IMMP2L: variants seen among roughly 807,000 people sequenced by gnomAD.
The protein encoded by IMMP2L is inner mitochondrial membrane peptidase subunit 2, also known as mitochondrial inner membrane protease subunit 2.
A neutral mutation model predicts 19.3 loss-of-function variants in IMMP2L; 18 were observed. The ratio of observed to expected loss-of-function variants is 0.93; its 90% confidence interval spans 0.64 to 1.38. The LOEUF is 1.38. Among genes scored for constraint, IMMP2L ranks in the 40% most tolerant of loss-of-function variants. The pLI, the probability that IMMP2L is intolerant of heterozygous loss-of-function variation, is 0.00. For synonymous variants in IMMP2L, 76 were observed against 73.0 expected, an observed-to-expected ratio of 1.04 and a Z score of -0.21; for missense variants, 233 against 218.2, an observed-to-expected ratio of 1.07 and a Z score of -0.43.
chr7:110,750,857 T>C (rs900457622), intron 5 of IMMP2L, among the ~76,000 whole-genome samples: 3 of 151,554 alleles, frequency 2.0e-5, no homozygotes, highest in African/African-American at 4.8e-5. Context: ...CCCTTAGTAA[T>C]CCAAACAAAC....
intron 3 of IMMP2L, among the ~76,000 whole-genome samples, chr7:111,256,646 G>A (rs2129633489): frequency 6.6e-6 from 1 of 151,994 alleles, no homozygotes; most frequent in East Asian, 1.9e-4. Flanking sequence ...GCTGCCTAGA[G>A]AGAAAAGTTC....
At chr7:111,264,048 A>C (rs73201098) in intron 3 of IMMP2L, among the ~76,000 whole-genome samples, 18 of 152,246 alleles carry the variant, frequency 1.2e-4, no homozygotes, top group Non-Finnish European at 2.2e-4. Context: ...CTGCAGATGG[A>C]CTTAGTGAGT....
At chr7:110,740,125 T>C (rs1185286066) in intron 5 of IMMP2L, among the ~76,000 whole-genome samples, 5 of 151,862 alleles carry the variant, frequency 3.3e-5, no homozygotes, top group Non-Finnish European at 5.9e-5. Flanking sequence ...AGAGCACAAA[T>C]AGACAATCTA....
intron 3 of IMMP2L, among the ~76,000 whole-genome samples, chr7:111,182,021 A>G (rs1419393550): frequency 2.0e-5 from 3 of 152,086 alleles, no homozygotes; most frequent in Admixed American, 6.6e-5. Context: ...AAAAGAATTA[A>G]GCATAAAAAG....
chr7:111,228,431 A>T (rs1259944877), intron 3 of IMMP2L, among the ~76,000 whole-genome samples: 1 of 151,372 alleles, frequency 6.6e-6, no homozygotes, highest in African/African-American at 2.4e-5. Context: ...AAAAAATCAA[A>T]GGTGTCAAAT....
chr7:111,316,361 G>A (rs749018181), intron 3 of IMMP2L, among the ~76,000 whole-genome samples: 34 of 151,784 alleles, frequency 2.2e-4, no homozygotes, highest in African/African-American at 4.1e-4. Flanking sequence ...AACAAAAGTC[G>A]AAAAAAGGGC....
intron 3 of IMMP2L, among the ~76,000 whole-genome samples, chr7:111,290,745 C>G (rs903658811): frequency 6.6e-6 from 1 of 151,110 alleles, no homozygotes; most frequent in African/African-American, 2.4e-5. Context: ...CCTTTTTGTG[C>G]TTCATGTTTT....
At chr7:110,785,897 A>C (rs1439504010) in intron 5 of IMMP2L, among the ~76,000 whole-genome samples, 1 of 151,866 alleles carries the variant, frequency 6.6e-6, no homozygotes, top group Non-Finnish European at 1.5e-5. Context: ...TCTCTCTTTC[A>C]TATTTCTATA....
intron 4 of IMMP2L, among the ~76,000 whole-genome samples, chr7:110,912,939 T>A (rs775153772): frequency 6.6e-6 from 1 of 151,832 alleles, no homozygotes; most frequent in Non-Finnish European, 1.5e-5. Context: ...AGGACACACA[T>A]GGCTAGAGAG....
chr7:110,961,244 A>C (rs140211472), intron 4 of IMMP2L, among the ~76,000 whole-genome samples: 4,100 of 151,858 alleles, frequency 0.027, 73 homozygotes, highest in Middle Eastern at 0.055. Context: ...AAATCCCCCC[A>C]CAGATACCAA....
intron 5 of IMMP2L, among the ~76,000 whole-genome samples, chr7:110,677,412 CCAA>C (rs1375308088): frequency 6.6e-6 from 1 of 152,058 alleles, no homozygotes; most frequent in Non-Finnish European, 1.5e-5. Context: ...AATTTTTTCA[CCAA>C]CATTTTTGGA....
At chr7:111,064,405 C>A (rs913030834) in intron 3 of IMMP2L, among the ~76,000 whole-genome samples, 3 of 152,154 alleles carry the variant, frequency 2.0e-5, no homozygotes, top group African/African-American at 7.2e-5. Context: ...GTCACAATTA[C>A]AATGCCAACT....
chr7:111,350,884 A>T (rs1288056960), intron 3 of IMMP2L, among the ~76,000 whole-genome samples: 1 of 152,200 alleles, frequency 6.6e-6, no homozygotes, highest in African/African-American at 2.4e-5. Flanking sequence ...TGAATACTGT[A>T]ATTGTTGGGG....
At chr7:110,816,138 T>C (rs1170832004) in intron 5 of IMMP2L, among the ~76,000 whole-genome samples, 1 of 152,168 alleles carries the variant, frequency 6.6e-6, no homozygotes, top group East Asian at 1.9e-4. Context: ...TTGCTTTGAA[T>C]GTGTCCCAGA....
intron 5 of IMMP2L, among the ~76,000 whole-genome samples, chr7:110,706,991 A>AATTT (rs540093587): frequency 7.4e-6 from 1 of 134,456 alleles, no homozygotes; most frequent in African/African-American, 2.8e-5. Flanking sequence ...TTACACTTAA[A>AATTT]TTTTTTTTTT....
intron 2 of IMMP2L, among the ~76,000 whole-genome samples, chr7:111,518,533 C>G (rs1051625722): frequency 6.6e-6 from 1 of 152,106 alleles, no homozygotes; most frequent in Non-Finnish European, 1.5e-5. Context: ...CCAACTATTT[C>G]AGTCCTTGAG....
At chr7:111,146,507 C>T (rs1377337955) in intron 3 of IMMP2L, among the ~76,000 whole-genome samples, 1 of 151,888 alleles carries the variant, frequency 6.6e-6, no homozygotes, top group Non-Finnish European at 1.5e-5. Context: ...AACCAGACCT[C>T]AAAAACTAAT....
At chr7:111,202,654 A>C (rs2129615841) in intron 3 of IMMP2L, among the ~76,000 whole-genome samples, 1 of 152,328 alleles carries the variant, frequency 6.6e-6, no homozygotes, top group African/African-American at 2.4e-5. Flanking sequence ...ATATAACATC[A>C]AAGGAAAATA....
At chr7:110,796,158 T>C (rs910737848) in intron 5 of IMMP2L, among the ~76,000 whole-genome samples, 1 of 151,990 alleles carries the variant, frequency 6.6e-6, no homozygotes, top group Admixed American at 6.6e-5. Context: ...ATTATAAGCT[T>C]CCGGAGGCCT....
Sources: allele counts gnomAD v4.1 joint callset (sites outside exome capture counted in the v4.1 genomes callset), GRCh38; gene constraint gnomAD v4.1.1; transcripts MANE v1.5; gene names NCBI Gene and HGNC (gene_info 2026-07-23, HGNC 2026-07-21).